The following SSPN variants were observed in gnomAD, a reference collection of about 807,000 sequenced individuals.
SSPN encodes K-ras oncogene-associated protein.
SSPN carries 15 observed loss-of-function variants against 19.1 expected under a neutral mutation model. That is an observed-to-expected ratio of 0.78 (90% CI 0.52 to 1.21). SSPN has a LOEUF of 1.21. SSPN is among the 50% of genes most tolerant of loss of function. The probability of loss-of-function intolerance (pLI) is 0.00; values close to 1 mark genes in which losing one functional copy is unlikely to be tolerated. For synonymous variants in SSPN, 147 were observed against 140.3 expected (o/e 1.05, Z -0.34); for missense variants, 291 against 314.0 (o/e 0.93, Z 0.55).
rs1945229671 is a variant in SSPN, at chr12:26,231,229, A to G, written c.*153A>G. 3.5e-6 allele frequency: 4 copies of G among 1,152,494 alleles called. No individual in the cohort carries two copies. The highest frequency in any genetic ancestry group is 4.7e-6 in the Non-Finnish European group (4 of 859,594). 71.4% of individuals were successfully genotyped at this position (1,152,494 alleles called of 1,614,324 possible). A position where few individuals can be genotyped will look rare whatever the true frequency, so the allele number is the denominator to read the frequency against. ...TTATATTTTTATGAAACAAAAGAGC[A>G]TTTCTTCAGGTTTCTATTGTATTTT... On this transcript the variant is annotated 3_prime_UTR_variant, in exon 3 of 3. Coordinates refer to ENST00000242729, the MANE Select transcript of SSPN (RefSeq NM_005086.5).
intron 1 of SSPN, among the ~76,000 whole-genome samples, chr12:26,138,658 G>GT (rs200198052): frequency 0.15 from 23,091 of 151,994 alleles, 4,056 homozygotes; most frequent in African/African-American, 0.43. Flanking sequence ...CATTGCACAA[G>GT]GAAAGTCTAG....
chr12:26,209,912 A>G (rs997220759), intron 1 of SSPN, among the ~76,000 whole-genome samples: 2 of 151,834 alleles, frequency 1.3e-5, no homozygotes, highest in Non-Finnish European at 2.9e-5. Flanking sequence ...TTGTGAGTTC[A>G]TCTTCCAAGA....
At chr12:26,196,941 A>C (rs1944835567) in intron 1 of SSPN, among the ~76,000 whole-genome samples, 1 of 152,224 alleles carries the variant, frequency 6.6e-6, no homozygotes, top group South Asian at 2.1e-4. Context: ...GTTATATTAC[A>C]GTGTCTTGTA....
rs574352278 is a variant in SSPN, at chr12:26,178,838, T to A, written c.-30-45455T>A. Among the ~76,000 whole-genome samples, 4 of 152,330 alleles carry A rather than the reference T, an allele frequency of 2.6e-5. No individual in the cohort carries two copies. The East Asian group carries it at 7.7e-4, about 29-fold the overall frequency. ...GCTTCCTGAGGAGTTTAAAGATATA[T>A]TCTCTTGAGATATGATGTTACTGTA... On this transcript the variant is annotated intron_variant, in intron 1 of 2. Transcript: ENST00000538142.
chr12:26,211,933 C>T (rs936994408), intron 1 of SSPN, among the ~76,000 whole-genome samples: 1 of 152,176 alleles, frequency 6.6e-6, no homozygotes, highest in Non-Finnish European at 1.5e-5. Context: ...CCATACAAAG[C>T]GCTTTGGCTT....
At chr12:26,172,023 A>G (rs1242691199) in intron 1 of SSPN, among the ~76,000 whole-genome samples, 1 of 152,180 alleles carries the variant, frequency 6.6e-6, no homozygotes, top group Non-Finnish European at 1.5e-5. Flanking sequence ...ACCATATGCA[A>G]TAATGTGTGC....
chr12:26,182,291 G>T (rs1944723342), intron 1 of SSPN, among the ~76,000 whole-genome samples: 3 of 152,168 alleles, frequency 2.0e-5, no homozygotes, highest in Admixed American at 6.5e-5. Flanking sequence ...GAAGATGAGG[G>T]ATGGAGTGAT....
At chr12:26,186,129 T>TG (rs1944752150) in intron 1 of SSPN, among the ~76,000 whole-genome samples, 1 of 152,180 alleles carries the variant, frequency 6.6e-6, no homozygotes, top group South Asian at 2.1e-4. Flanking sequence ...GAGCTTAGCT[T>TG]GGGATGTGTC....
chr12:26,124,742 A>G (rs547646593), intron 1 of SSPN: 2 of 1,614,200 alleles, frequency 1.2e-6, no homozygotes, highest in East Asian at 2.2e-5. Flanking sequence ...ATGTTCCAGT[A>G]ACTGTCTCTC....
chr12:26,196,322 TAAAC>T (rs1307948696), intron 1 of SSPN, among the ~76,000 whole-genome samples: 1 of 152,232 alleles, frequency 6.6e-6, no homozygotes, highest in African/African-American at 2.4e-5. Flanking sequence ...CCCCTGTCCT[TAAAC>T]AAGTGGCAAA....
chr12:26,124,577 T>A (rs1023894164), intron 1 of SSPN: 1 of 1,614,122 alleles, frequency 6.2e-7, no homozygotes, highest in African/African-American at 1.3e-5. Flanking sequence ...AGAGGAATAG[T>A]CCAGTCTGCA....
At chr12:26,124,897 C>G in intron 1 of SSPN, 1 of 1,033,396 alleles carries the variant, frequency 9.7e-7, no homozygotes, top group South Asian at 1.3e-5. Context: ...CTCTCTCGCT[C>G]TCCCTCTTCA....
intron 1 of SSPN, among the ~76,000 whole-genome samples, chr12:26,204,755 G>C (rs1364211211): frequency 6.6e-6 from 1 of 152,172 alleles, no homozygotes; most frequent in African/African-American, 2.4e-5. Context: ...AAGAAGTCCT[G>C]AGCTGGGCTC....
chr12:26,124,808 C>A, intron 1 of SSPN: 1 of 1,612,534 alleles, frequency 6.2e-7, no homozygotes, highest in South Asian at 1.1e-5. Flanking sequence ...TCCTCTGTTT[C>A]GATTTTTGGG....
At chr12:26,122,103 T>C in exon 1 of SSPN, 2 of 1,549,722 alleles carry the variant, frequency 1.3e-6, no homozygotes, top group East Asian at 2.4e-5. Context: ...GGGATCTTCC[T>C]GAGCAGAGCT....
chr12:26,165,268 A>G (rs1490653251), intron 1 of SSPN, among the ~76,000 whole-genome samples: 1 of 152,210 alleles, frequency 6.6e-6, no homozygotes, highest in Non-Finnish European at 1.5e-5. Flanking sequence ...AGCTGGGGAA[A>G]GTATTTTCCT....
chr12:26,219,938 A>G (rs764397371), intron 1 of SSPN, among the ~76,000 whole-genome samples: 2 of 152,038 alleles, frequency 1.3e-5, no homozygotes, highest in Non-Finnish European at 2.9e-5. Context: ...CACCATATCT[A>G]ATGGGAGCTC....
chr12:26,224,253 T>C, intron 1 of SSPN, 40 bp from the exon 2 acceptor site: 1 of 1,438,584 alleles, frequency 7.0e-7, no homozygotes, highest in South Asian at 1.1e-5. Context: ...ACGCACAACG[T>C]ACCCTGATAA....
In SSPN at chr12:26,232,168, A is replaced by G. The variant is rs1260641683; in HGVS notation, c.*1092A>G. The G allele has an allele frequency of 2.0e-6, 2 of 985,358 alleles. No individual in the cohort carries two copies. Among genetic ancestry groups the G allele is most frequent in the African/African-American group, 3.5e-5 (2 of 57,248 alleles). The allele number at this position is 985,358 out of a possible 1,614,324, so 61.0% of individuals were successfully genotyped here. A position where few individuals can be genotyped will look rare whatever the true frequency, so the allele number is the denominator to read the frequency against. On this transcript the variant is annotated 3_prime_UTR_variant, in exon 3 of 3. Coordinates refer to ENST00000242729, the MANE Select transcript of SSPN (RefSeq NM_005086.5). ...GTTTGAGGAAGATTGGGTAATGCTG[A>G]TGTGTTCCATTCATGAAACTGTATT...
Sources: allele counts gnomAD v4.1 joint callset (sites outside exome capture counted in the v4.1 genomes callset), GRCh38; gene constraint gnomAD v4.1.1; transcripts MANE v1.5; gene names NCBI Gene and HGNC (gene_info 2026-07-23, HGNC 2026-07-21).